LPP: variants seen among roughly 807,000 people sequenced by gnomAD.
LPP encodes LIM domain containing preferred translocation partner in lipoma.
Under a neutral mutation model 60.4 loss-of-function variants are expected in LPP, and 38 were observed. The observed-to-expected ratio is 0.63, with a 90% CI of 0.49 to 0.83. The LOEUF (loss-of-function observed/expected upper bound fraction) is 0.83. Ranked by LOEUF, LPP falls within the 40% of genes least tolerant of loss-of-function variation. The pLI is 0.00. For missense variants in LPP, 902 were observed against 783.6 expected (o/e 1.15, Z -1.80); for synonymous variants, 328 against 290.8 (o/e 1.13, Z -1.30).
At chr3:188,787,432 G>GCA (rs370252572) in intron 9 of LPP, among the ~76,000 whole-genome samples, 1 of 150,770 alleles carries the variant, frequency 6.6e-6, no homozygotes, top group Non-Finnish European at 1.5e-5. Flanking sequence ...ACACACACAC[G>GCA]CACACACACA....
chr3:188,509,509 T>C (rs991153332), intron 5 of LPP, among the ~76,000 whole-genome samples: 2 of 152,192 alleles, frequency 1.3e-5, no homozygotes, highest in Non-Finnish European at 2.9e-5. Context: ...CAGTAGAGAC[T>C]GTAAACTCGG....
intron 2 of LPP, among the ~76,000 whole-genome samples, chr3:188,283,796 G>T (rs750028926): frequency 2.7e-4 from 41 of 152,062 alleles, no homozygotes; most frequent in Middle Eastern, 3.4e-3. Context: ...TGACCAACAC[G>T]GTGAAAGCCC....
At position 188,887,815 on chromosome 3, in the gene LPP, TA is replaced by T; in HGVS notation, c.*13340del. The T allele has an allele frequency of 4.8e-6, 1 of 209,916 alleles. No homozygotes were observed. Among genetic ancestry groups the T allele is most frequent in the Non-Finnish European group, 9.7e-6 (1 of 103,250 alleles). 13.0% of individuals were successfully genotyped at this position (209,916 alleles called of 1,614,324 possible). A position where few individuals can be genotyped will look rare whatever the true frequency, so the allele number is the denominator to read the frequency against. On this transcript the variant is annotated 3_prime_UTR_variant, in exon 12 of 12. Coordinates refer to ENST00000617246, the MANE Select transcript of LPP (RefSeq NM_001375462.1). ...AGTAAAGTAGTAGCAAAATTATTTT[TA>T]AAAGACTTTCTTCCTTTTACTACCC...
At chr3:188,544,162 G>A (rs1300262930) in intron 6 of LPP, among the ~76,000 whole-genome samples, 1 of 152,168 alleles carries the variant, frequency 6.6e-6, no homozygotes, top group Admixed American at 6.5e-5. Context: ...CAGGCCAGAA[G>A]TTGTGGCTGA....
intron 9 of LPP, among the ~76,000 whole-genome samples, chr3:188,816,135 T>G (rs1305068985): frequency 2.0e-5 from 3 of 152,040 alleles, no homozygotes; most frequent in African/African-American, 7.2e-5. Context: ...GTATAGACAC[T>G]TTTCTACACA....
At chr3:188,432,178 G>C (rs538737622) in intron 4 of LPP, among the ~76,000 whole-genome samples, 4 of 152,034 alleles carry the variant, frequency 2.6e-5, no homozygotes, top group African/African-American at 7.2e-5. Flanking sequence ...GTTGCCCAAG[G>C]CATCATGACT....
intron 3 of LPP, among the ~76,000 whole-genome samples, chr3:188,390,586 A>G (rs1465748612): frequency 6.6e-6 from 1 of 151,094 alleles, no homozygotes; most frequent in African/African-American, 2.4e-5. Context: ...ACCGGGTGCC[A>G]GAACTGGGTT....
chr3:188,779,416 T>C (rs1412673219), intron 9 of LPP, among the ~76,000 whole-genome samples: 3 of 152,140 alleles, frequency 2.0e-5, no homozygotes, highest in Admixed American at 6.5e-5. Flanking sequence ...GCTCACTGAA[T>C]AGCACACGCA....
intron 6 of LPP, among the ~76,000 whole-genome samples, chr3:188,537,249 T>A (rs1285948035): frequency 1.3e-5 from 2 of 151,870 alleles, no homozygotes; most frequent in East Asian, 3.8e-4. Context: ...AGCACATGTT[T>A]CCTTGAGTGC....
chr3:188,703,653 T>C (rs1032287570), intron 7 of LPP, among the ~76,000 whole-genome samples: 2 of 151,986 alleles, frequency 1.3e-5, no homozygotes, highest in African/African-American at 4.8e-5. Context: ...AAAACAGGAA[T>C]CCATAATTAG....
chr3:188,320,827 A>G (rs1756713527), intron 2 of LPP, among the ~76,000 whole-genome samples: 1 of 152,196 alleles, frequency 6.6e-6, no homozygotes, highest in African/African-American at 2.4e-5. Flanking sequence ...GATTGGGAAG[A>G]GGAAGTATTG....
At chr3:188,598,854 C>T (rs959312418) in intron 6 of LPP, among the ~76,000 whole-genome samples, 10 of 152,080 alleles carry the variant, frequency 6.6e-5, no homozygotes, top group Middle Eastern at 3.2e-3. Context: ...CATATAAAAA[C>T]GCACCTGTAA....
intron 5 of LPP, among the ~76,000 whole-genome samples, chr3:188,488,600 C>T (rs955849245): frequency 9.2e-5 from 14 of 151,682 alleles, no homozygotes; most frequent in African/African-American, 3.4e-4. Context: ...CTCTGAGTCT[C>T]AGCCTTGGGA....
chr3:188,815,544 G>GA (rs566001615), intron 9 of LPP, among the ~76,000 whole-genome samples: 4,071 of 134,650 alleles, frequency 0.03, 180 homozygotes, highest in African/African-American at 0.1. Context: ...AGAAAAAAAA[G>GA]AAAAAAAAAA....
intron 7 of LPP, among the ~76,000 whole-genome samples, chr3:188,615,755 G>A (rs995832207): frequency 1.3e-5 from 2 of 152,070 alleles, no homozygotes; most frequent in Non-Finnish European, 2.9e-5. Context: ...GTTGTTTCTT[G>A]ACTTTTTAAT....
At chr3:188,771,060 TAA>T (rs917186870) in intron 9 of LPP, among the ~76,000 whole-genome samples, 1 of 152,212 alleles carries the variant, frequency 6.6e-6, no homozygotes, top group Non-Finnish European at 1.5e-5. Context: ...CTATCTATTA[TAA>T]TATTGTTAGA....
chr3:188,800,315 A>G lies in LPP; in HGVS notation c.1410+40033A>G, dbSNP rs557800199. ...GGCTGGGGTGCAGTGGCGCGATCTC[A>G]GCTCACTGCAAGCTCCACCTCCCAG... On this transcript the variant is annotated intron_variant, in intron 9 of 11. Coordinates refer to ENST00000617246, the MANE Select transcript of LPP (RefSeq NM_001375462.1). Among the ~76,000 whole-genome samples, 137 of 134,520 alleles carry G rather than the reference A, an allele frequency of 1.0e-3. 1 individual carries two copies. Among genetic ancestry groups the G allele is most frequent in the South Asian group, 4.6e-3 (20 of 4,366 alleles). 88.3% of individuals were successfully genotyped at this position (134,520 alleles called of 152,430 possible). A position where few individuals can be genotyped will look rare whatever the true frequency, so the allele number is the denominator to read the frequency against.
chr3:188,450,343 A>C (rs991633843), intron 4 of LPP, among the ~76,000 whole-genome samples: 8 of 152,154 alleles, frequency 5.3e-5, no homozygotes, highest in African/African-American at 1.9e-4. Flanking sequence ...CAGTATCTCC[A>C]ATATATACCC....
Position 188,762,767 on chromosome 3 carries a change from A to AT in LPP, c.1410+2498dup, listed in dbSNP as rs35669305. On this transcript the variant is annotated intron_variant, in intron 9 of 11. Coordinates refer to ENST00000617246, the MANE Select transcript of LPP (RefSeq NM_001375462.1). ...AATTCAAATAATGGAAATTCTAACC[A>AT]TTTTTTTTTTTTTACTTCTTTCCCT... is the stretch of plus-strand genomic sequence containing the variant. 3.7e-3 allele frequency among the ~76,000 whole-genome samples: 542 copies of AT among 146,788 alleles called. 2 individuals are homozygous for AT. The highest frequency in any genetic ancestry group is 5.4e-3 in the Non-Finnish European group (355 of 66,330).
Sources: allele counts gnomAD v4.1 joint callset (sites outside exome capture counted in the v4.1 genomes callset), GRCh38; gene constraint gnomAD v4.1.1; transcripts MANE v1.5; gene names NCBI Gene and HGNC (gene_info 2026-07-23, HGNC 2026-07-21).